The following MYO3B variants were observed in gnomAD, a reference collection of about 807,000 sequenced individuals.
The protein encoded by MYO3B is myosin IIIB, also known as myosin-IIIb.
A neutral mutation model predicts 174.6 loss-of-function variants in MYO3B; 156 were observed. The observed-to-expected ratio is 0.89, with a 90% CI of 0.78 to 1.02. The LOEUF (loss-of-function observed/expected upper bound fraction) is 1.02, where lower values mean the gene tolerates loss of function less well. Ranked by LOEUF, MYO3B falls within the 50% of genes least tolerant of loss-of-function variation. The probability of loss-of-function intolerance (pLI) is 0.00; values close to 1 mark genes in which losing one functional copy is unlikely to be tolerated. For missense variants in MYO3B, 1,632 were observed against 1,639.4 expected (o/e 1.00, Z 0.08); for synonymous variants, 563 against 569.1 (o/e 0.99, Z 0.15).
At chr2:170,467,323 T>C (rs543759785) in intron 25 of MYO3B, among the ~76,000 whole-genome samples, 52 of 152,288 alleles carry the variant, frequency 3.4e-4, no homozygotes, top group Middle Eastern at 3.4e-3. Flanking sequence ...CCAGGCAGTC[T>C]GGTTTCAGCA....
rs1046155739 is a variant in MYO3B at position 170,234,198 on chromosome 2, CA to C, written c.604-1783del. Among the ~76,000 whole-genome samples the C allele has an allele frequency of 3.4e-4, 7 of 20,730 alleles. 1 individual carries two copies. Among genetic ancestry groups the C allele is most frequent in the South Asian group, 1.5e-3 (2 of 1,334 alleles). 13.6% of individuals were successfully genotyped at this position (20,730 alleles called of 152,430 possible). On this transcript the variant is annotated intron_variant, in intron 6 of 34. Transcript: ENST00000408978. ...AAAAAAAAAAAAAAACAAAACAAAA[CA>C]AAAAAAAAACACCTGTTTCTTAGTC... is the stretch of plus-strand genomic sequence containing the variant.
chr2:170,363,552 G>A (rs554167065), intron 8 of MYO3B, among the ~76,000 whole-genome samples: 128 of 152,244 alleles, frequency 8.4e-4, no homozygotes, highest in Non-Finnish European at 5.9e-5. Flanking sequence ...GAAATGTCCC[G>A]TTTTTGCCTG....
chr2:170,400,781 G>A (rs2094470657), intron 17 of MYO3B, among the ~76,000 whole-genome samples: 1 of 151,828 alleles, frequency 6.6e-6, no homozygotes, highest in African/African-American at 2.4e-5. Flanking sequence ...TCCATAAGCT[G>A]CAAGTATTCT....
chr2:170,488,748 G>T (rs977164733), intron 25 of MYO3B, among the ~76,000 whole-genome samples: 5 of 152,028 alleles, frequency 3.3e-5, no homozygotes, highest in Non-Finnish European at 7.4e-5. Flanking sequence ...TTATCAGTTG[G>T]AATTTAGAAA....
At chr2:170,431,728 T>C (rs2094710589) in intron 22 of MYO3B, among the ~76,000 whole-genome samples, 2 of 152,142 alleles carry the variant, frequency 1.3e-5, no homozygotes, top group South Asian at 4.1e-4. Context: ...GAAAAGAGAG[T>C]GAATTTGTTA....
At chr2:170,213,251 G>C (rs1312183293) in intron 3 of MYO3B, among the ~76,000 whole-genome samples, 1 of 152,124 alleles carries the variant, frequency 6.6e-6, no homozygotes, top group African/African-American at 2.4e-5. Flanking sequence ...CGGGAGCATC[G>C]GGCAAGACTC....
chr2:170,304,763 G>T (rs1008633219), intron 7 of MYO3B, among the ~76,000 whole-genome samples: 1 of 151,762 alleles, frequency 6.6e-6, no homozygotes, highest in South Asian at 2.1e-4. Flanking sequence ...CATCGCATCC[G>T]GCCCTTTTCA....
intron 28 of MYO3B, among the ~76,000 whole-genome samples, chr2:170,505,407 T>A (rs1687561264): frequency 2.6e-5 from 4 of 152,204 alleles, no homozygotes; most frequent in Non-Finnish European, 4.4e-5. Flanking sequence ...TTAAAATACA[T>A]ACTTTGTTAA....
intron 7 of MYO3B, among the ~76,000 whole-genome samples, chr2:170,318,065 G>C (rs1007720004): frequency 3.9e-5 from 6 of 152,186 alleles, no homozygotes; most frequent in African/African-American, 1.2e-4. Context: ...TGTGAAATAA[G>C]AGTAATCATG....
At chr2:170,633,841 A>C (rs1183786849) in intron 32 of MYO3B, among the ~76,000 whole-genome samples, 1 of 152,248 alleles carries the variant, frequency 6.6e-6, no homozygotes, top group Non-Finnish European at 1.5e-5. Flanking sequence ...CAGAGAGCCA[A>C]ATCATGAGTG....
At chr2:170,269,144 GC>G (rs2093406457) in intron 7 of MYO3B, among the ~76,000 whole-genome samples, 2 of 152,152 alleles carry the variant, frequency 1.3e-5, no homozygotes, top group South Asian at 2.1e-4. Context: ...AGGGGTTCCT[GC>G]CATACAGAGT....
At chr2:170,247,176 T>TGAA (rs2093200586) in intron 7 of MYO3B, among the ~76,000 whole-genome samples, 3 of 152,148 alleles carry the variant, frequency 2.0e-5, no homozygotes, top group Non-Finnish European at 4.4e-5. Context: ...ACTTCCAGAA[T>TGAA]GAAGTACAGA....
At chr2:170,306,551 A>G (rs1244020880) in intron 7 of MYO3B, among the ~76,000 whole-genome samples, 3 of 152,202 alleles carry the variant, frequency 2.0e-5, no homozygotes, top group East Asian at 1.9e-4. Context: ...CTTGAAAACA[A>G]TTGGTTATCA....
intron 23 of MYO3B, among the ~76,000 whole-genome samples, chr2:170,461,906 A>G (rs1216391209): frequency 6.6e-6 from 1 of 152,240 alleles, no homozygotes. Flanking sequence ...AGAATTTACA[A>G]TTTAGCCAAA....
At chr2:170,598,601 GCCACAGACCCGAGT>G (rs1054482896) in intron 32 of MYO3B, among the ~76,000 whole-genome samples, 3 of 152,148 alleles carry the variant, frequency 2.0e-5, no homozygotes, top group Non-Finnish European at 2.9e-5. Flanking sequence ...ATGGCTACAG[GCCACAGACCCGAGT>G]CCATTGAGAC....
chr2:170,516,370 G>A (rs769281899), intron 29 of MYO3B, among the ~76,000 whole-genome samples: 7 of 151,814 alleles, frequency 4.6e-5, no homozygotes, highest in Non-Finnish European at 7.4e-5. Flanking sequence ...AGATGGGCGC[G>A]GTGGCTCACG....
chr2:170,410,592 G>GAAAAAA (rs59296953), intron 22 of MYO3B, among the ~76,000 whole-genome samples: 1 of 112,524 alleles, frequency 8.9e-6, no homozygotes, highest in Non-Finnish European at 1.8e-5. Flanking sequence ...CAAAAAAAAA[G>GAAAAAA]AAAAAAAAAA....
At chr2:170,363,746 T>C (rs755329341) in intron 8 of MYO3B, among the ~76,000 whole-genome samples, 2 of 152,212 alleles carry the variant, frequency 1.3e-5, no homozygotes, top group Non-Finnish European at 2.9e-5. Flanking sequence ...TCCTTTATCT[T>C]CTGGTGGACT....
intron 1 of MYO3B, among the ~76,000 whole-genome samples, chr2:170,188,086 T>C (rs1023857978): frequency 6.6e-6 from 1 of 152,180 alleles, no homozygotes; most frequent in Non-Finnish European, 1.5e-5. Context: ...TAGCTATTAA[T>C]TTATTGGAGC....
Sources: gnomAD v4.1 joint callset for allele counts (sites outside exome capture counted in the v4.1 genomes callset) on GRCh38, gnomAD v4.1.1 for gene constraint, MANE v1.5 for transcripts, NCBI Gene and HGNC (gene_info 2026-07-23, HGNC 2026-07-21) for gene names.